NBEA: variants seen among roughly 807,000 people sequenced by gnomAD.
NBEA encodes neurobeachin.
NBEA carries 44 observed loss-of-function variants against 343.4 expected under a neutral mutation model. That is an observed-to-expected ratio of 0.13 (90% CI 0.10 to 0.16). The LOEUF (loss-of-function observed/expected upper bound fraction) is 0.16. Among genes scored for constraint, NBEA ranks in the 10% least tolerant of loss-of-function variants. The pLI is 1.00. For missense variants in NBEA, 2,555 were observed against 3,631.3 expected, an observed-to-expected ratio of 0.70 and a Z score of 7.62; for synonymous variants, 1,175 against 1,238.7, an observed-to-expected ratio of 0.95 and a Z score of 1.08.
intron 34 of NBEA, among the ~76,000 whole-genome samples, chr13:35,254,631 CT>C (rs1289965108): frequency 6.6e-6 from 1 of 151,936 alleles, no homozygotes; most frequent in Non-Finnish European, 1.5e-5. Context: ...CTATTTCTTA[CT>C]TTTGATAGCA....
chr13:35,436,158 G>C (rs1288078911), intron 39 of NBEA, among the ~76,000 whole-genome samples: 1 of 151,758 alleles, frequency 6.6e-6, no homozygotes, highest in Non-Finnish European at 1.5e-5. Context: ...CCATGTAAAA[G>C]TTAAAAAAAA....
chr13:35,234,241 C>A lies in NBEA; in HGVS notation c.5776+1622C>A, dbSNP rs1032625053. Among the ~76,000 whole-genome samples, 5 of 152,210 alleles carry A rather than the reference C, an allele frequency of 3.3e-5. No individual in the cohort carries two copies. The East Asian group carries it at 9.7e-4, about 29-fold the overall frequency. ...GCTACTATTGTCATTATTATACTCC[C>A]ACCTACAAAGTGAAGTATAAAATGC... On this transcript the variant is annotated intron_variant, in intron 34 of 58. Coordinates refer to ENST00000379939, the MANE Select transcript of NBEA (RefSeq NM_001385012.1).
intron 36 of NBEA, among the ~76,000 whole-genome samples, chr13:35,311,161 G>A (rs1398880868): frequency 6.6e-6 from 1 of 152,032 alleles, no homozygotes; most frequent in African/African-American, 2.4e-5. Context: ...GTCTTACAGA[G>A]TTTCACTGTG....
At chr13:35,589,845 G>T (rs866188542) in intron 46 of NBEA, among the ~76,000 whole-genome samples, 2 of 152,060 alleles carry the variant, frequency 1.3e-5, no homozygotes, top group African/African-American at 2.4e-5. Flanking sequence ...AAAAGGGTTG[G>T]AAGATATGAA....
intron 49 of NBEA, among the ~76,000 whole-genome samples, chr13:35,631,977 A>G (rs2083474652): frequency 6.6e-6 from 1 of 152,222 alleles, no homozygotes; most frequent in Non-Finnish European, 1.5e-5. Context: ...GGGCAGAAAC[A>G]TGACAGTACA....
intron 48 of NBEA, among the ~76,000 whole-genome samples, chr13:35,608,406 T>C (rs2082371116): frequency 6.6e-6 from 1 of 152,222 alleles, no homozygotes; most frequent in Non-Finnish European, 1.5e-5. Context: ...TTAGAATTGG[T>C]ATTTCATCAC....
At chr13:35,379,767 C>T (rs2041920138) in intron 38 of NBEA, among the ~76,000 whole-genome samples, 1 of 150,104 alleles carries the variant, frequency 6.7e-6, no homozygotes, top group South Asian at 2.1e-4. Flanking sequence ...AAAGACCATA[C>T]TTTTTCTTAC....
At chr13:35,416,861 T>A (rs931708312) in intron 38 of NBEA, among the ~76,000 whole-genome samples, 1 of 152,202 alleles carries the variant, frequency 6.6e-6, no homozygotes, top group Non-Finnish European at 1.5e-5. Flanking sequence ...TGAATCTGTC[T>A]GGTCCTGGAC....
rs12869026 is a variant in NBEA at position 35,018,291 on chromosome 13, C to T, written c.295-22642C>T. 2.9e-3 allele frequency among the ~76,000 whole-genome samples: 448 copies of T among 152,098 alleles called. 1 individual carries two copies. The highest frequency in any genetic ancestry group is 4.9e-3 in the Non-Finnish European group (334 of 67,950). ...ATTTGTGATTTTTCTAACAAAAAACCAGGCACAATTTTGATTAGGATGGTG... is the reference window on the plus strand; with the variant it reads ...ATTTGTGATTTTTCTAACAAAAAACTAGGCACAATTTTGATTAGGATGGTG... On this transcript the variant is annotated intron_variant, in intron 1 of 58. Coordinates refer to ENST00000379939, the MANE Select transcript of NBEA (RefSeq NM_001385012.1).
intron 1 of NBEA, among the ~76,000 whole-genome samples, chr13:35,031,275 G>A (rs2062207082): frequency 6.6e-6 from 1 of 151,608 alleles, no homozygotes; most frequent in Non-Finnish European, 1.5e-5. Context: ...TCACAGTAGT[G>A]ACAGACTGAA....
chr13:35,576,648 G>T (rs1345680039), intron 45 of NBEA, among the ~76,000 whole-genome samples: 2 of 152,158 alleles, frequency 1.3e-5, no homozygotes, highest in East Asian at 1.9e-4. Context: ...CATTCTCACT[G>T]CCCAGAGACA....
chr13:35,383,394 G>A (rs2042100588), intron 38 of NBEA, among the ~76,000 whole-genome samples: 1 of 152,108 alleles, frequency 6.6e-6, no homozygotes, highest in African/African-American at 2.4e-5. Flanking sequence ...GTGAACAGAT[G>A]GAATAGGGAT....
intron 41 of NBEA, among the ~76,000 whole-genome samples, chr13:35,518,887 G>A (rs2077589143): frequency 6.6e-6 from 1 of 152,178 alleles, no homozygotes; most frequent in South Asian, 2.1e-4. Context: ...TGCATGTGCT[G>A]CTGTGCAGAT....
rs774248088 is a variant in NBEA, at chr13:35,173,507, A to G, written c.4467A>G (p.Arg1489=). The G allele has an allele frequency of 3.7e-6, 6 of 1,610,486 alleles. No homozygotes were observed. The Admixed American group carries it at 1.0e-4, about 27-fold the overall frequency. The stretch of plus-strand genomic sequence containing the variant: ...GAAACTGTTTAGAATGTCGGCAAAG[A>G]CAGAGAGACAGGGGAAATAAATCTT... The part of the protein sequence containing the change: ...AVRNCLECRQ[R]QRDRGNKSSH... Residue 1489 remains arginine, a synonymous_variant, in exon 27 of 59, where the codon AGA becomes AGG. Coordinates refer to ENST00000379939, the MANE Select transcript of NBEA (RefSeq NM_001385012.1).
intron 36 of NBEA, among the ~76,000 whole-genome samples, chr13:35,332,843 A>G (rs2039007429): frequency 6.6e-6 from 1 of 152,158 alleles, no homozygotes; most frequent in African/African-American, 2.4e-5. Context: ...CATTCTACAT[A>G]GAGTACACTC....
Position 35,332,570 on chromosome 13 carries a change from C to T in NBEA, c.5904-16538C>T, listed in dbSNP as rs74450764. Among the ~76,000 whole-genome samples, 1,137 of 152,068 alleles carry T rather than the reference C, an allele frequency of 7.5e-3. 47 individuals carry two copies. The East Asian group carries it at 0.12, about 17-fold the overall frequency. On this transcript the variant is annotated intron_variant, in intron 36 of 58. Coordinates refer to ENST00000379939, the MANE Select transcript of NBEA (RefSeq NM_001385012.1). ...AAAATGTAGATGTAGACAGACATTTCTATATCATAATAAGTTTAACTATTA... is the reference window on the plus strand; with the variant it reads ...AAAATGTAGATGTAGACAGACATTTTTATATCATAATAAGTTTAACTATTA...
At chr13:35,223,568 A>G (rs964035803) in intron 33 of NBEA, among the ~76,000 whole-genome samples, 83 of 152,000 alleles carry the variant, frequency 5.5e-4, no homozygotes, top group African/African-American at 2.0e-3. Context: ...TTTTCTCTTT[A>G]TATTTGAATT....
At chr13:35,266,383 A>G (rs2033678005) in intron 34 of NBEA, among the ~76,000 whole-genome samples, 1 of 151,806 alleles carries the variant, frequency 6.6e-6, no homozygotes, top group Non-Finnish European at 1.5e-5. Flanking sequence ...AGATATCTAC[A>G]CTCTCATGTT....
intron 44 of NBEA, among the ~76,000 whole-genome samples, chr13:35,562,957 A>C (rs908500444): frequency 5.9e-5 from 9 of 152,074 alleles, no homozygotes; most frequent in Non-Finnish European, 1.2e-4. Flanking sequence ...TGGTTTAATT[A>C]AAAAGTTTTT....
Sources: allele counts gnomAD v4.1 joint callset (sites outside exome capture counted in the v4.1 genomes callset), GRCh38; gene constraint gnomAD v4.1.1; transcripts MANE v1.5; gene names NCBI Gene and HGNC (gene_info 2026-07-23, HGNC 2026-07-21).